The following GUCY1A2 variants were observed in gnomAD, a reference collection of about 807,000 sequenced individuals.
GUCY1A2 encodes guanylate cyclase soluble subunit alpha-2.
Under a neutral mutation model 63.5 loss-of-function variants are expected in GUCY1A2, and 27 were observed. That is an observed-to-expected ratio of 0.43 (90% confidence interval 0.31 to 0.59). The LOEUF (loss-of-function observed/expected upper bound fraction) is 0.59, where lower values mean the gene tolerates loss of function less well. GUCY1A2 is among the 20% of genes least tolerant of loss of function. The pLI, the probability that GUCY1A2 is intolerant of heterozygous loss-of-function variation, is 0.11. For missense variants in GUCY1A2, 768 were observed against 913.3 expected (o/e 0.84, Z 2.05); for synonymous variants, 364 against 343.5 (o/e 1.06, Z -0.66).
At chr11:106,941,559 C>A (rs1381438188) in intron 3 of GUCY1A2, among the ~76,000 whole-genome samples, 1 of 152,216 alleles carries the variant, frequency 6.6e-6, no homozygotes, top group Non-Finnish European at 1.5e-5. Context: ...TCCTGCAAAT[C>A]AGGCAGGACT....
Position 106,682,452 on chromosome 11 carries a change from T to C in GUCY1A2, c.*5097A>G. ...TCTCTGAAGGTAAAGACTAGTCTTC[T>C]GTATTCCTAAAACTCCCTACGGAAT... On this transcript the variant is annotated 3_prime_UTR_variant, in exon 8 of 8. Coordinates refer to ENST00000526355, the MANE Select transcript of GUCY1A2 (RefSeq NM_000855.3). 1 of 210,154 alleles carries C rather than the reference T, an allele frequency of 4.8e-6. No individual in the cohort carries two copies. The highest frequency in any genetic ancestry group is 9.7e-6 in the Non-Finnish European group (1 of 103,318). The allele number at this position is 210,154 out of a possible 1,614,324, so 13.0% of individuals were successfully genotyped here.
At chr11:106,698,575 A>T (rs921653778) in intron 7 of GUCY1A2, among the ~76,000 whole-genome samples, 12 of 152,186 alleles carry the variant, frequency 7.9e-5, no homozygotes, top group African/African-American at 2.9e-4. Context: ...ACTCAATTTC[A>T]TCTAATATTA....
chr11:106,722,082 T>C (rs1162338622), intron 6 of GUCY1A2, among the ~76,000 whole-genome samples: 4 of 152,154 alleles, frequency 2.6e-5, no homozygotes, highest in African/African-American at 9.7e-5. Context: ...AGCAGAAGAA[T>C]AAATGAAAAT....
chr11:106,964,227 T>G (rs2120072877), intron 3 of GUCY1A2, among the ~76,000 whole-genome samples: 1 of 152,354 alleles, frequency 6.6e-6, no homozygotes, highest in Middle Eastern at 3.4e-3. Flanking sequence ...TATAGTTGTA[T>G]TATTTCCTAG....
intron 7 of GUCY1A2, among the ~76,000 whole-genome samples, chr11:106,693,492 T>C (rs1433498867): frequency 1.3e-5 from 2 of 152,182 alleles, no homozygotes; most frequent in Non-Finnish European, 2.9e-5. Context: ...TGACAATTAG[T>C]GGATCCTTTT....
intron 6 of GUCY1A2, among the ~76,000 whole-genome samples, chr11:106,710,121 A>AAT (rs1275110178): frequency 1.1e-5 from 1 of 92,742 alleles, no homozygotes; most frequent in Non-Finnish European, 2.0e-5. Flanking sequence ...ACATGTATAT[A>AAT]ATATAGTTAT....
intron 6 of GUCY1A2, among the ~76,000 whole-genome samples, chr11:106,775,943 CT>C (rs1189671407): frequency 2.0e-5 from 3 of 152,260 alleles, no homozygotes; most frequent in Non-Finnish European, 4.4e-5. Flanking sequence ...GGACTTTCCA[CT>C]GTTTTTAAAG....
chr11:106,799,057 C>T (rs1178708416), intron 5 of GUCY1A2, among the ~76,000 whole-genome samples: 2 of 152,196 alleles, frequency 1.3e-5, no homozygotes, highest in East Asian at 3.8e-4. Context: ...TAAGCAACTT[C>T]AGCAAAGTCT....
chr11:106,887,619 G>A (rs1253367541), intron 4 of GUCY1A2, among the ~76,000 whole-genome samples: 1 of 152,160 alleles, frequency 6.6e-6, no homozygotes, highest in Admixed American at 6.5e-5. Context: ...TCACTTCAAT[G>A]ACTCTGAGTC....
intron 5 of GUCY1A2, among the ~76,000 whole-genome samples, chr11:106,787,619 A>T (rs1410106224): frequency 1.7e-5 from 1 of 59,042 alleles, no homozygotes; most frequent in Non-Finnish European, 3.9e-5. Context: ...AAGAGAGAAC[A>T]AGAGAAAAAG....
At chr11:106,943,613 G>A (rs140511167) in intron 3 of GUCY1A2, among the ~76,000 whole-genome samples, 11 of 152,242 alleles carry the variant, frequency 7.2e-5, no homozygotes, top group Admixed American at 1.3e-4. Context: ...TTATGTCTGC[G>A]TATCTATCAC....
chr11:106,875,624 TAG>T (rs1351335343), intron 4 of GUCY1A2, among the ~76,000 whole-genome samples: 1 of 151,870 alleles, frequency 6.6e-6, no homozygotes, highest in Non-Finnish European at 1.5e-5. Context: ...TCCACCTCAG[TAG>T]AGAGTGGGTG....
At chr11:107,003,482 G>T (rs538150389) in intron 1 of GUCY1A2, among the ~76,000 whole-genome samples, 18 of 151,860 alleles carry the variant, frequency 1.2e-4, no homozygotes, top group Non-Finnish European at 2.5e-4. Context: ...CAGAGTGTTT[G>T]TCAATTTTCA....
intron 6 of GUCY1A2, among the ~76,000 whole-genome samples, chr11:106,747,467 G>A (rs1396619406): frequency 6.6e-6 from 1 of 152,170 alleles, no homozygotes; most frequent in African/African-American, 2.4e-5. Context: ...TTGCTATACT[G>A]GAGGATCTAC....
At chr11:106,981,379 A>C (rs933143114) in intron 2 of GUCY1A2, among the ~76,000 whole-genome samples, 1 of 152,064 alleles carries the variant, frequency 6.6e-6, no homozygotes, top group Admixed American at 6.6e-5. Flanking sequence ...GGAGCAATAC[A>C]ATTTAATTTT....
At chr11:106,992,592 A>G (rs1861484684) in intron 1 of GUCY1A2, among the ~76,000 whole-genome samples, 1 of 152,010 alleles carries the variant, frequency 6.6e-6, no homozygotes, top group Non-Finnish European at 1.5e-5. Context: ...AGCCTCCCAA[A>G]GTGCTGGGAT....
chr11:106,709,262 AATATATTT>A (rs1403002317), intron 6 of GUCY1A2, among the ~76,000 whole-genome samples: 1 of 48,590 alleles, frequency 2.1e-5, no homozygotes, highest in Non-Finnish European at 3.3e-5. Context: ...AATATATATA[AATATATTT>A]ATATATATAA....
chr11:107,002,403 G>A (rs562705814), intron 1 of GUCY1A2, among the ~76,000 whole-genome samples: 8 of 151,946 alleles, frequency 5.3e-5, no homozygotes, highest in Non-Finnish European at 8.8e-5. Flanking sequence ...GTGTGTGTGT[G>A]TGTGTGTGTG....
At position 106,940,085 on chromosome 11, in the gene GUCY1A2, C is replaced by T; in HGVS notation, c.581G>A (p.Gly194Asp). ...GCCGTTAAAAAAGTCCTGCAAAGTG[C>T]CACCTACAGCTCGAAGGACTCTCTC... ...ENERVLRAVG[G>D]TLQDFFNGFD... is the part of the protein sequence containing the mutation. The change falls in exon 4 of 8, where the codon GGC (glycine) becomes GAC (aspartate). Residue 194 changes from glycine to aspartate, a missense_variant. By Grantham distance (94) the Gly-to-Asp change is moderately conservative (BLOSUM62 -1). Around this residue, in one of 3 missense-constraint regions of GUCY1A2, gnomAD observed 496 missense variants for 486.9 expected, o/e 1.02. Transcript: ENST00000526355. 1 of 1,612,200 alleles carries T rather than the reference C, an allele frequency of 6.2e-7. No homozygotes were observed. The highest frequency in any genetic ancestry group is 8.5e-7 in the Non-Finnish European group (1 of 1,178,244).
Sources: gnomAD v4.1 joint callset for allele counts (sites outside exome capture counted in the v4.1 genomes callset) on GRCh38, gnomAD v4.1.1 for gene constraint, gnomAD v4.1.1 regional missense constraint, MANE v1.5 for transcripts, NCBI Gene and HGNC (gene_info 2026-07-23, HGNC 2026-07-21) for gene names.